Variants in PHYHIPL observed in about 807,000 individuals in gnomAD.
PHYHIPL encodes the protein phytanoyl-CoA hydroxylase-interacting protein-like.
PHYHIPL carries 9 observed loss-of-function variants against 33.4 expected under a neutral mutation model. That is an observed-to-expected ratio of 0.27 (90% CI 0.16 to 0.47). The LOEUF (loss-of-function observed/expected upper bound fraction) is 0.47. PHYHIPL is among the 20% of genes least tolerant of loss of function. The probability of loss-of-function intolerance (pLI) is 0.99; values close to 1 mark genes in which losing one functional copy is unlikely to be tolerated. For synonymous variants in PHYHIPL, 153 were observed against 154.1 expected (o/e 0.99, Z 0.05); for missense variants, 365 against 460.7 (o/e 0.79, Z 1.90).
At chr10:59,202,431 A>G (rs1351563268) in intron 1 of PHYHIPL, among the ~76,000 whole-genome samples, 2 of 152,236 alleles carry the variant, frequency 1.3e-5, no homozygotes, top group Non-Finnish European at 2.9e-5. Context: ...CATTAGAGTA[A>G]CATTGTCTTC....
chr10:59,198,341 A>G (rs1838986306), intron 1 of PHYHIPL, among the ~76,000 whole-genome samples: 1 of 152,026 alleles, frequency 6.6e-6, no homozygotes, highest in South Asian at 2.1e-4. Context: ...TCTGAGAATG[A>G]TGGTTTCCAG....
At chr10:59,223,858 C>T (rs1289955139) in intron 1 of PHYHIPL, among the ~76,000 whole-genome samples, 1 of 151,994 alleles carries the variant, frequency 6.6e-6, no homozygotes, top group Non-Finnish European at 1.5e-5. Context: ...CAGGGTCTCA[C>T]TGTGTTGCCC....
intron 1 of PHYHIPL, among the ~76,000 whole-genome samples, chr10:59,185,426 C>A (rs1383493292): frequency 6.6e-6 from 1 of 152,126 alleles, no homozygotes; most frequent in Non-Finnish European, 1.5e-5. Flanking sequence ...AATAAACATA[C>A]GTGTGCATGT....
intron 1 of PHYHIPL, among the ~76,000 whole-genome samples, chr10:59,194,191 C>G (rs1838851951): frequency 2.7e-5 from 4 of 150,200 alleles, no homozygotes; most frequent in African/African-American, 9.8e-5. Context: ...AAGCAATTCT[C>G]CTGCCTCAGC....
chr10:59,190,585 G>A (rs72806590), intron 1 of PHYHIPL, among the ~76,000 whole-genome samples: 4 of 151,942 alleles, frequency 2.6e-5, no homozygotes, highest in African/African-American at 4.8e-5. Context: ...AATCTTAACT[G>A]TAAGAATCAA....
chr10:59,202,153 G>T (rs551272768), intron 1 of PHYHIPL, among the ~76,000 whole-genome samples: 1 of 152,130 alleles, frequency 6.6e-6, no homozygotes, highest in African/African-American at 2.4e-5. Flanking sequence ...TTATGTTAGA[G>T]ATGAAAATAT....
At chr10:59,209,431 C>T (rs1589276316) in intron 1 of PHYHIPL, among the ~76,000 whole-genome samples, 1 of 152,142 alleles carries the variant, frequency 6.6e-6, no homozygotes, top group South Asian at 2.1e-4. Context: ...GAAGGAAGCA[C>T]TAAACATGGA....
chr10:59,190,547 A>T (rs1335416928), intron 1 of PHYHIPL, among the ~76,000 whole-genome samples: 9 of 151,860 alleles, frequency 5.9e-5, no homozygotes, highest in Admixed American at 5.9e-4. Context: ...AAATTTCAGA[A>T]CAGTTGATTT....
Position 59,185,664 on chromosome 10 carries a change from G to C in PHYHIPL, c.106+8705G>C, listed in dbSNP as rs996896818. On this transcript the variant is annotated intron_variant, in intron 1 of 4. Coordinates refer to ENST00000373880, the MANE Select transcript of PHYHIPL (RefSeq NM_032439.4). ...CTTTTAATGATCGCCATTCTAACTGGTGTGAGATGGTATCTCATTGTGGTT... is the reference window on the plus strand; with the variant it reads ...CTTTTAATGATCGCCATTCTAACTGCTGTGAGATGGTATCTCATTGTGGTT... Among the ~76,000 whole-genome samples the C allele has an allele frequency of 1.3e-3, 194 of 152,272 alleles. 2 individuals carry two copies. The highest frequency in any genetic ancestry group is 2.3e-3 in the Non-Finnish European group (155 of 68,032).
chr10:59,231,785 A>G (rs1284100772), intron 1 of PHYHIPL, among the ~76,000 whole-genome samples: 1 of 152,122 alleles, frequency 6.6e-6, no homozygotes, highest in Non-Finnish European at 1.5e-5. Flanking sequence ...TGTACCACAT[A>G]TGGAACATTC....
chr10:59,209,162 T>G (rs1839373045), intron 1 of PHYHIPL, among the ~76,000 whole-genome samples: 2 of 152,064 alleles, frequency 1.3e-5, no homozygotes, highest in South Asian at 4.1e-4. Flanking sequence ...GAAAAAATGT[T>G]AAGGGCAGCC....
At chr10:59,224,753 T>C (rs1391657759) in intron 1 of PHYHIPL, among the ~76,000 whole-genome samples, 2 of 152,194 alleles carry the variant, frequency 1.3e-5, no homozygotes, top group Non-Finnish European at 2.9e-5. Flanking sequence ...TACGTTGTAA[T>C]TAGAATATGG....
At chr10:59,199,289 C>G (rs1404065183) in intron 1 of PHYHIPL, among the ~76,000 whole-genome samples, 1 of 152,126 alleles carries the variant, frequency 6.6e-6, no homozygotes, top group Non-Finnish European at 1.5e-5. Context: ...AGCCAGTTTT[C>G]CCAGCACCAT....
intron 1 of PHYHIPL, among the ~76,000 whole-genome samples, chr10:59,188,218 T>TA (rs1333099904): frequency 3.9e-5 from 6 of 152,224 alleles, no homozygotes; most frequent in Non-Finnish European, 7.3e-5. Flanking sequence ...TTCATTTTGT[T>TA]ATGTACCCGG....
At chr10:59,178,175 ATATT>A (rs1838305366) in intron 1 of PHYHIPL, among the ~76,000 whole-genome samples, 1 of 151,692 alleles carries the variant, frequency 6.6e-6, no homozygotes, top group Admixed American at 6.6e-5. Flanking sequence ...ACTAAATTTT[ATATT>A]TATTAATATA....
At chr10:59,237,716 C>A (rs1840267931) in intron 3 of PHYHIPL, among the ~76,000 whole-genome samples, 1 of 151,878 alleles carries the variant, frequency 6.6e-6, no homozygotes, top group Non-Finnish European at 1.5e-5. Context: ...ACAGGCTAAT[C>A]TACTTCTTTT....
At chr10:59,183,172 C>CTA (rs1838460187) in intron 1 of PHYHIPL, among the ~76,000 whole-genome samples, 1 of 151,778 alleles carries the variant, frequency 6.6e-6, no homozygotes, top group Non-Finnish European at 1.5e-5. Flanking sequence ...TCCTCAAAGG[C>CTA]TATACAAGGT....
chr10:59,222,898 GATGTTTT>G (rs1839819916), intron 1 of PHYHIPL, among the ~76,000 whole-genome samples: 1 of 152,114 alleles, frequency 6.6e-6, no homozygotes. Flanking sequence ...AGATGTATTA[GATGTTTT>G]ATGTGGCTGC....
At chr10:59,198,503 C>T (rs977041521) in intron 1 of PHYHIPL, among the ~76,000 whole-genome samples, 15 of 152,000 alleles carry the variant, frequency 9.9e-5, no homozygotes, top group African/African-American at 3.6e-4. Flanking sequence ...TGAATAGTGC[C>T]GCACTGAACA....
Sources: allele counts gnomAD v4.1 joint callset (sites outside exome capture counted in the v4.1 genomes callset), GRCh38; gene constraint gnomAD v4.1.1; transcripts MANE v1.5; gene names NCBI Gene and HGNC (gene_info 2026-07-23, HGNC 2026-07-21).